The following DCC variants were observed in gnomAD, a reference collection of about 807,000 sequenced individuals.
DCC encodes DCC netrin 1 receptor, also known as netrin receptor DCC.
Under a neutral mutation model 172.5 loss-of-function variants are expected in DCC, and 58 were observed. The observed-to-expected ratio is 0.34, with a 90% CI of 0.27 to 0.42. The LOEUF (loss-of-function observed/expected upper bound fraction) is 0.42. DCC is among the 10% of genes least tolerant of loss of function. The pLI is 1.00. For synonymous variants in DCC, 709 were observed against 644.5 expected (o/e 1.10, Z -1.52); for missense variants, 1,740 against 1,791.0 (o/e 0.97, Z 0.51).
intron 12 of DCC, among the ~76,000 whole-genome samples, chr18:53,266,524 T>A (rs1303592262): frequency 6.6e-6 from 1 of 152,154 alleles, no homozygotes; most frequent in Non-Finnish European, 1.5e-5. Context: ...CTGTGCTCTT[T>A]CTTTCTTTTT....
chr18:53,172,228 C>A (rs2055024365), intron 8 of DCC, among the ~76,000 whole-genome samples: 1 of 152,036 alleles, frequency 6.6e-6, no homozygotes, highest in African/African-American at 2.4e-5. Flanking sequence ...GAACAGAAAA[C>A]CAAATACTAC....
intron 27 of DCC, among the ~76,000 whole-genome samples, chr18:53,499,867 C>A (rs530187238): frequency 6.6e-5 from 10 of 152,230 alleles, no homozygotes; most frequent in African/African-American, 2.4e-4. Context: ...AGCTAGACTG[C>A]AAGACTAGAT....
chr18:53,214,826 A>G (rs1450609003), intron 11 of DCC, among the ~76,000 whole-genome samples: 1 of 152,146 alleles, frequency 6.6e-6, no homozygotes, highest in Non-Finnish European at 1.5e-5. Context: ...CTTTTTTGGT[A>G]GAGTAAATAT....
chr18:52,696,797 T>C (rs757844413), intron 1 of DCC, among the ~76,000 whole-genome samples: 4 of 152,216 alleles, frequency 2.6e-5, no homozygotes, highest in Non-Finnish European at 1.5e-5. Flanking sequence ...TATGAGAGCC[T>C]GGAATCGAAG....
intron 2 of DCC, among the ~76,000 whole-genome samples, chr18:52,761,517 G>A (rs992800238): frequency 6.6e-6 from 1 of 152,134 alleles, no homozygotes; most frequent in Non-Finnish European, 1.5e-5. Context: ...GAATCATGAA[G>A]TTAACATAAA....
intron 23 of DCC, among the ~76,000 whole-genome samples, chr18:53,453,419 G>A (rs927573576): frequency 2.6e-5 from 4 of 152,032 alleles, no homozygotes; most frequent in Non-Finnish European, 5.9e-5. Flanking sequence ...GCATTCACGA[G>A]CTTCTTCAAT....
chr18:53,281,295 ATAT>A (rs1346142208), intron 12 of DCC, among the ~76,000 whole-genome samples: 2 of 152,106 alleles, frequency 1.3e-5, no homozygotes, highest in African/African-American at 4.8e-5. Flanking sequence ...TAGGTTTAAG[ATAT>A]TATCCAACAT....
At chr18:52,865,923 G>C (rs544115684) in intron 2 of DCC, among the ~76,000 whole-genome samples, 1 of 119,078 alleles carries the variant, frequency 8.4e-6, no homozygotes, top group East Asian at 2.6e-4. Context: ...TGTCAATTTT[G>C]GCCTTTGTTG....
At chr18:52,739,609 T>A (rs1292372834) in intron 1 of DCC, among the ~76,000 whole-genome samples, 1 of 152,168 alleles carries the variant, frequency 6.6e-6, no homozygotes, top group Non-Finnish European at 1.5e-5. Context: ...CACAGGCCTG[T>A]GTCTACCGTT....
At chr18:52,353,430 C>T (rs1264682986) in intron 1 of DCC, among the ~76,000 whole-genome samples, 1 of 152,162 alleles carries the variant, frequency 6.6e-6, no homozygotes, top group Non-Finnish European at 1.5e-5. Flanking sequence ...CCCTCCTCCT[C>T]CCTCCCTCCT....
intron 4 of DCC, among the ~76,000 whole-genome samples, chr18:52,924,618 A>T (rs188639540): frequency 1.3e-5 from 2 of 152,184 alleles, no homozygotes; most frequent in African/African-American, 4.8e-5. Context: ...GAGGACTGGT[A>T]TTCTCCTTTT....
chr18:52,849,093 CTGTGTG>C (rs149378500), intron 2 of DCC, among the ~76,000 whole-genome samples: 1 of 150,266 alleles, frequency 6.7e-6, no homozygotes, highest in African/African-American at 2.4e-5. Flanking sequence ...TCAACCTACT[CTGTGTG>C]TGTGTGTGTG....
chr18:52,558,598 C>T (rs2032967337), intron 1 of DCC, among the ~76,000 whole-genome samples: 1 of 152,054 alleles, frequency 6.6e-6, no homozygotes, highest in South Asian at 2.1e-4. Flanking sequence ...TTCCTAGAAA[C>T]TTGGTGAGGT....
chr18:53,279,940 G>C (rs1020898019), intron 12 of DCC, among the ~76,000 whole-genome samples: 2 of 152,008 alleles, frequency 1.3e-5, no homozygotes, highest in Non-Finnish European at 2.9e-5. Context: ...CTACTTAAGG[G>C]TGGAAGGTAG....
intron 2 of DCC, among the ~76,000 whole-genome samples, chr18:52,860,643 T>C (rs2039126690): frequency 6.6e-6 from 1 of 152,220 alleles, no homozygotes; most frequent in Non-Finnish European, 1.5e-5. Context: ...CTTAGAATAC[T>C]CAGCCTTATT....
chr18:53,410,761 G>A, intron 20 of DCC, 115 bp downstream of exon 20: 1 of 725,588 alleles, frequency 1.4e-6, no homozygotes, highest in South Asian at 1.5e-5. Flanking sequence ...TGGCTGCAGT[G>A]GACATTCAAA....
chr18:53,011,807 T>C (rs1482501512), intron 5 of DCC, among the ~76,000 whole-genome samples: 2 of 151,776 alleles, frequency 1.3e-5, no homozygotes, highest in African/African-American at 4.8e-5. Flanking sequence ...TTAACCTATA[T>C]GGCACAGGTT....
At chr18:52,908,292 G>C (rs1395637513) in intron 3 of DCC, among the ~76,000 whole-genome samples, 1 of 152,008 alleles carries the variant, frequency 6.6e-6, no homozygotes, top group Non-Finnish European at 1.5e-5. Context: ...TTAGTCACAG[G>C]GATACTGACT....
chr18:53,512,712 C>T (rs989163660), intron 27 of DCC, among the ~76,000 whole-genome samples: 6 of 150,946 alleles, frequency 4.0e-5, no homozygotes, highest in African/African-American at 1.5e-4. Context: ...AGGGTATCAG[C>T]AATGGAAGAT....
Sources: allele counts gnomAD v4.1 joint callset (sites outside exome capture counted in the v4.1 genomes callset), GRCh38; gene constraint gnomAD v4.1.1; transcripts MANE v1.5; gene names NCBI Gene and HGNC (gene_info 2026-07-23, HGNC 2026-07-21).